The following ZFHX3 variants were observed in gnomAD, a reference collection of about 807,000 sequenced individuals.
The protein encoded by ZFHX3 is zinc finger homeobox protein 3.
ZFHX3 carries 42 observed loss-of-function variants against 279.1 expected under a neutral mutation model. That is an observed-to-expected ratio of 0.15 (90% CI 0.12 to 0.19). The LOEUF (loss-of-function observed/expected upper bound fraction) is 0.19, where lower values mean the gene tolerates loss of function less well. Among genes scored for constraint, ZFHX3 ranks in the 10% least tolerant of loss-of-function variants. The pLI, the probability that ZFHX3 is intolerant of heterozygous loss-of-function variation, is 1.00. For missense variants in ZFHX3, 4,981 were observed against 4,754.0 expected (o/e 1.05, Z -1.40); for synonymous variants, 2,293 against 1,957.8 (o/e 1.17, Z -4.52).
chr16:73,114,236 G>A (rs1966408629), intron 7 of ZFHX3, among the ~76,000 whole-genome samples: 1 of 152,036 alleles, frequency 6.6e-6, no homozygotes, highest in African/African-American at 2.4e-5. Context: ...AAACTTTCAA[G>A]GGAATGGATT....
intron 5 of ZFHX3, among the ~76,000 whole-genome samples, chr16:73,161,632 G>T (rs1392775203): frequency 6.6e-6 from 1 of 152,172 alleles, no homozygotes; most frequent in Non-Finnish European, 1.5e-5. Context: ...GATGAGAAGT[G>T]CTTGTTAAAC....
At chr16:73,724,391 T>C (rs989857659) in intron 1 of ZFHX3, among the ~76,000 whole-genome samples, 10 of 152,250 alleles carry the variant, frequency 6.6e-5, no homozygotes, top group Admixed American at 6.5e-4. Context: ...AGATGAATTT[T>C]GTTTGCTAAC....
intron 1 of ZFHX3, among the ~76,000 whole-genome samples, chr16:73,037,810 A>C (rs373134460): frequency 9.6e-5 from 14 of 145,278 alleles, no homozygotes; most frequent in South Asian, 4.7e-4. Flanking sequence ...TCCCCCACCC[A>C]CCCAAAAAAG....
intron 4 of ZFHX3, among the ~76,000 whole-genome samples, chr16:73,285,239 A>G (rs919295860): frequency 2.0e-5 from 3 of 152,200 alleles, no homozygotes; most frequent in Non-Finnish European, 4.4e-5. Flanking sequence ...GGATTAGGAT[A>G]TCGATGCTCT....
intron 2 of ZFHX3, among the ~76,000 whole-genome samples, chr16:73,563,269 A>T (rs1379428011): frequency 7.7e-6 from 1 of 129,766 alleles, no homozygotes; most frequent in African/African-American, 3.0e-5. Flanking sequence ...AGGGAGTCTC[A>T]CTCTGCCACC....
chr16:73,466,450 C>T (rs1413355830), intron 2 of ZFHX3, among the ~76,000 whole-genome samples: 1 of 152,180 alleles, frequency 6.6e-6, no homozygotes, highest in East Asian at 1.9e-4. Flanking sequence ...CCACTGCGCT[C>T]CAGCTTGGGT....
At chr16:72,875,919 T>G (rs879907418) in intron 4 of ZFHX3, among the ~76,000 whole-genome samples, 1 of 152,222 alleles carries the variant, frequency 6.6e-6, no homozygotes, top group African/African-American at 2.4e-5. Context: ...AGTGAACACC[T>G]GTGATGATAA....
At chr16:73,367,463 A>T (rs1361384655) in intron 3 of ZFHX3, among the ~76,000 whole-genome samples, 9 of 152,204 alleles carry the variant, frequency 5.9e-5, no homozygotes, top group Admixed American at 5.9e-4. Flanking sequence ...TGACTGGGTC[A>T]TGTGTTCAAG....
At chr16:73,539,237 A>G (rs1308810266) in intron 2 of ZFHX3, among the ~76,000 whole-genome samples, 1 of 151,536 alleles carries the variant, frequency 6.6e-6, no homozygotes, top group Non-Finnish European at 1.5e-5. Flanking sequence ...ACACGTGCAT[A>G]GTACACCTAT....
At chr16:73,780,007 T>A (rs553935686) in intron 1 of ZFHX3, among the ~76,000 whole-genome samples, 4 of 142,892 alleles carry the variant, frequency 2.8e-5, no homozygotes, top group Non-Finnish European at 4.6e-5. Flanking sequence ...TTTCTAAGAC[T>A]TTTTTTTCTC....
intron 3 of ZFHX3, among the ~76,000 whole-genome samples, chr16:72,933,809 C>CTT (rs1408711216): frequency 5.2e-5 from 6 of 114,668 alleles, no homozygotes; most frequent in African/African-American, 1.8e-4. Context: ...TAGCTCACAA[C>CTT]TTTCTTTTTT....
intron 1 of ZFHX3, among the ~76,000 whole-genome samples, chr16:72,992,661 T>C (rs1256367798): frequency 2.0e-5 from 3 of 152,098 alleles, no homozygotes; most frequent in Admixed American, 6.5e-5. Flanking sequence ...GTGGCACCCA[T>C]GTAAAGAGAC....
rs796385191 is a variant in ZFHX3, at chr16:73,183,886, G to GA, written c.-1103-40056dup. On this transcript the variant is annotated intron_variant, in intron 5 of 17. Transcript: ENST00000641206. ...ATCTCGTTCTTATGCTCTGCTTGCT[G>GA]AAAAAATCTCTCTTTGCCCTGGAAT... Among the ~76,000 whole-genome samples the GA allele has an allele frequency of 1.1e-4, 17 of 151,988 alleles. 1 individual carries two copies. The highest frequency in any genetic ancestry group is 2.9e-4 in the African/African-American group (12 of 41,468).
intron 2 of ZFHX3, among the ~76,000 whole-genome samples, chr16:73,490,509 T>C (rs2143645395): frequency 6.6e-6 from 1 of 152,356 alleles, no homozygotes; most frequent in African/African-American, 2.4e-5. Context: ...CACCTTTCAC[T>C]GACGCAACCC....
At chr16:73,051,398 G>A (rs1001177366), upstream of ZFHX3, among the ~76,000 whole-genome samples, 1 of 152,154 alleles carries the variant, frequency 6.6e-6, no homozygotes, top group African/African-American at 2.4e-5. Context: ...GCCCTCCTGG[G>A]TATGGAACAG....
At chr16:73,595,253 C>A (rs58351816) in intron 2 of ZFHX3, among the ~76,000 whole-genome samples, 1,903 of 152,238 alleles carry the variant, frequency 0.013, 45 homozygotes, top group African/African-American at 0.043. Context: ...TTTATTTCTG[C>A]CTCCACTCTC....
chr16:72,915,460 G>C (rs1181188137), intron 3 of ZFHX3, among the ~76,000 whole-genome samples: 2 of 152,162 alleles, frequency 1.3e-5, no homozygotes, highest in African/African-American at 4.8e-5. Flanking sequence ...GAGGAAAACA[G>C]AATTGCCACC....
At chr16:73,520,632 A>C (rs1432213824) in intron 2 of ZFHX3, among the ~76,000 whole-genome samples, 2 of 152,224 alleles carry the variant, frequency 1.3e-5, no homozygotes, top group Non-Finnish European at 2.9e-5. Context: ...CTTTGTACAA[A>C]CATCTGGTGT....
At chr16:72,859,799 T>C (rs1460800643) in intron 4 of ZFHX3, among the ~76,000 whole-genome samples, 2 of 152,090 alleles carry the variant, frequency 1.3e-5, no homozygotes, top group Non-Finnish European at 2.9e-5. Flanking sequence ...TCACTTCTGG[T>C]AATGGCCTTA....
Sources: gnomAD v4.1 joint callset for allele counts (sites outside exome capture counted in the v4.1 genomes callset) on GRCh38, gnomAD v4.1.1 for gene constraint, MANE v1.5 for transcripts, NCBI Gene and HGNC (gene_info 2026-07-23, HGNC 2026-07-21) for gene names.